Variants in SCAPER observed in about 807,000 individuals in gnomAD.
The protein encoded by SCAPER is S-phase cyclin A associated protein in the ER.
Under a neutral mutation model 182.2 loss-of-function variants are expected in SCAPER, and 98 were observed. The ratio of observed to expected loss-of-function variants is 0.54; its 90% CI spans 0.46 to 0.64. The LOEUF (loss-of-function observed/expected upper bound fraction) is 0.64, where lower values mean the gene tolerates loss of function less well. SCAPER is among the 30% of genes least tolerant of loss of function. The pLI, the probability that SCAPER is intolerant of heterozygous loss-of-function variation, is 0.00. For missense variants in SCAPER, 1,432 were observed against 1,690.0 expected (o/e 0.85, Z 2.68); for synonymous variants, 605 against 564.6 (o/e 1.07, Z -1.01).
chr15:76,848,337 T>G (rs1250033378), intron 4 of SCAPER, among the ~76,000 whole-genome samples: 4 of 148,246 alleles, frequency 2.7e-5, no homozygotes, highest in East Asian at 2.0e-4. Flanking sequence ...TTTTTTTTTT[T>G]TTTTTTTTTG....
At position 76,865,638 on chromosome 15, in the gene SCAPER, G is replaced by A. The variant is rs562417233; in HGVS notation, c.7-3105C>T. ...TGTGTTATGGTAAGAAAGAGGGAATGACAATAGGTGCTAAATCTGTGAGTG... is the reference window on the plus strand; with the variant it reads ...TGTGTTATGGTAAGAAAGAGGGAATAACAATAGGTGCTAAATCTGTGAGTG... On this transcript the variant is annotated intron_variant, in intron 2 of 31. Coordinates refer to ENST00000563290, the MANE Select transcript of SCAPER (RefSeq NM_020843.4). Among the ~76,000 whole-genome samples the A allele has an allele frequency of 4.6e-5, 7 of 152,242 alleles. No homozygotes were observed. In the South Asian group the frequency reaches 1.5e-3, roughly 32 times the overall value.
chr15:76,572,919 TCACACACA>T (rs58395846), intron 23 of SCAPER, among the ~76,000 whole-genome samples: 4 of 135,174 alleles, frequency 3.0e-5, no homozygotes, highest in African/African-American at 1.1e-4. Context: ...TCTCTCTCTC[TCACACACA>T]CACACACACA....
intron 22 of SCAPER, among the ~76,000 whole-genome samples, chr15:76,592,455 A>G (rs1205321651): frequency 8.1e-6 from 1 of 122,726 alleles, no homozygotes; most frequent in Non-Finnish European, 2.0e-5. Context: ...CCTAAAATAT[A>G]GACCCTCACT....
At chr15:76,400,590 G>A (rs1027440742) in intron 27 of SCAPER, among the ~76,000 whole-genome samples, 2 of 152,164 alleles carry the variant, frequency 1.3e-5, no homozygotes, top group Non-Finnish European at 2.9e-5. Context: ...TTGGGAGACT[G>A]AAGGATGAGA....
chr15:76,392,301 A>T (rs1467950336), intron 27 of SCAPER, among the ~76,000 whole-genome samples: 2 of 152,222 alleles, frequency 1.3e-5, no homozygotes, highest in Admixed American at 1.3e-4. Flanking sequence ...TATAATGAAT[A>T]CAAGAATATG....
At chr15:76,724,634 C>G (rs1326336389) in intron 17 of SCAPER, among the ~76,000 whole-genome samples, 1 of 152,026 alleles carries the variant, frequency 6.6e-6, no homozygotes, top group African/African-American at 2.4e-5. Context: ...TCTTTTTATT[C>G]TTTTTTCTCT....
chr15:76,816,093 G>A (rs771099509), intron 5 of SCAPER, among the ~76,000 whole-genome samples: 7 of 152,196 alleles, frequency 4.6e-5, no homozygotes. Flanking sequence ...GTAAAGGAGA[G>A]AATGGTAAGT....
Position 76,795,316 on chromosome 15 carries a change from G to T in SCAPER, c.736C>A (p.Pro246Thr). 4 of 1,613,034 alleles carry T rather than the reference G, an allele frequency of 2.5e-6. No homozygotes were observed. Among genetic ancestry groups the T allele is most frequent in the Non-Finnish European group, 3.4e-6 (4 of 1,179,316 alleles). Residue 246 changes from proline (P) to threonine (T), a missense_variant, in exon 8 of 32, where the codon CCA becomes ACA. By Grantham distance (38) the Pro-to-Thr change is conservative. Around this residue, in one of 5 missense-constraint regions of SCAPER, gnomAD observed 480 missense variants for 510.2 expected, o/e 0.94. Coordinates refer to ENST00000563290, the MANE Select transcript of SCAPER (RefSeq NM_020843.4). ...SSEITPAQSCPPMTVQKASRK... is the reference protein window; with the variant it reads ...SSEITPAQSCTPMTVQKASRK... ...GAGGCCTTCTGCACTGTCATTGGTG[G>T]GCAAGACTGGGCGGGTGTTATTTCT...
chr15:76,375,925 C>T (rs1371069317), intron 29 of SCAPER, among the ~76,000 whole-genome samples: 1 of 152,156 alleles, frequency 6.6e-6, no homozygotes. Flanking sequence ...GCAGAGGTTG[C>T]AGTGAGCCGA....
At chr15:76,898,720 G>C (rs1203211143) in intron 1 of SCAPER, among the ~76,000 whole-genome samples, 1 of 152,224 alleles carries the variant, frequency 6.6e-6, no homozygotes, top group Non-Finnish European at 1.5e-5. Context: ...GTAGATGAGA[G>C]GGTGGCTGTA....
At chr15:76,626,023 A>G (rs978281726) in intron 21 of SCAPER, among the ~76,000 whole-genome samples, 4 of 152,140 alleles carry the variant, frequency 2.6e-5, no homozygotes, top group Admixed American at 2.6e-4. Flanking sequence ...AAATCTCATA[A>G]TGCTTTAAGA....
intron 22 of SCAPER, among the ~76,000 whole-genome samples, chr15:76,621,429 T>C (rs118112319): frequency 0.011 from 1,631 of 152,266 alleles, 14 homozygotes; most frequent in Middle Eastern, 0.041. Flanking sequence ...CCTGATCTGT[T>C]AGAACAGGGA....
At chr15:76,770,560 A>C (rs779698751) in intron 10 of SCAPER, among the ~76,000 whole-genome samples, 14 of 152,132 alleles carry the variant, frequency 9.2e-5, no homozygotes, top group African/African-American at 1.4e-4. Context: ...CAAGTATGCA[A>C]ATTTGACCCT....
chr15:76,405,627 CTT>C (rs1308229426), intron 26 of SCAPER, among the ~76,000 whole-genome samples: 1 of 152,140 alleles, frequency 6.6e-6, no homozygotes. Context: ...AACAGTAACT[CTT>C]TTATTAATCC....
intron 25 of SCAPER, among the ~76,000 whole-genome samples, chr15:76,464,623 G>A (rs909081976): frequency 2.6e-5 from 4 of 151,978 alleles, no homozygotes; most frequent in African/African-American, 9.7e-5. Flanking sequence ...AATTGTATAT[G>A]CCACGTTTTC....
chr15:76,879,460 C>CT (rs1249683333), intron 2 of SCAPER, among the ~76,000 whole-genome samples: 1 of 152,128 alleles, frequency 6.6e-6, no homozygotes, highest in Non-Finnish European at 1.5e-5. Flanking sequence ...GATCTCAGAT[C>CT]TTTTACTGGA....
At chr15:76,719,030 C>G (rs1342307674) in intron 17 of SCAPER, among the ~76,000 whole-genome samples, 2 of 152,104 alleles carry the variant, frequency 1.3e-5, no homozygotes, top group East Asian at 3.9e-4. Flanking sequence ...CCATAGGACC[C>G]AGCTGATCCC....
At chr15:76,386,118 A>G (rs2043271078) in intron 27 of SCAPER, among the ~76,000 whole-genome samples, 2 of 152,316 alleles carry the variant, frequency 1.3e-5, no homozygotes, top group South Asian at 2.1e-4. Context: ...AGCATCTTCA[A>G]ATCTCTTTCT....
chr15:76,555,081 A>T (rs2046094640), intron 23 of SCAPER, among the ~76,000 whole-genome samples: 1 of 152,118 alleles, frequency 6.6e-6, no homozygotes, highest in African/African-American at 2.4e-5. Flanking sequence ...GCACCCAGCC[A>T]TATATTCAGC....
Sources: gnomAD v4.1 joint callset for allele counts (sites outside exome capture counted in the v4.1 genomes callset) on GRCh38, gnomAD v4.1.1 for gene constraint, gnomAD v4.1.1 regional missense constraint, MANE v1.5 for transcripts, NCBI Gene and HGNC (gene_info 2026-07-23, HGNC 2026-07-21) for gene names.